NOBOX: variants seen among roughly 807,000 people sequenced by gnomAD.
NOBOX encodes homeobox protein NOBOX.
Under a neutral mutation model 60.2 loss-of-function variants are expected in NOBOX, and 46 were observed. That is an observed-to-expected ratio of 0.76 (90% confidence interval 0.60 to 0.98). The LOEUF (loss-of-function observed/expected upper bound fraction) is 0.98, where lower values mean the gene tolerates loss of function less well. Ranked by LOEUF, NOBOX falls within the 50% of genes least tolerant of loss-of-function variation. The pLI is 0.00. For missense variants in NOBOX, 880 were observed against 865.5 expected (o/e 1.02, Z -0.21); for synonymous variants, 360 against 346.3 (o/e 1.04, Z -0.44).
At chr7:144,400,420 T>C in intron 4 of NOBOX, 108 bp from the exon 3 acceptor site, 2 of 946,952 alleles carry the variant, frequency 2.1e-6, no homozygotes, top group Non-Finnish European at 3.2e-6. Flanking sequence ...CCACTGCCCC[T>C]AACCCAACAC....
At chr7:144,398,918 A>C (rs1271806233) in intron 8 of NOBOX, 32 bp downstream of exon 6, 42 of 1,257,632 alleles carry the variant, frequency 3.3e-5, no homozygotes, top group Non-Finnish European at 4.3e-5. Flanking sequence ...CACCCAGATA[A>C]CTAGAGTGAC....
chr7:144,400,601 A>T (rs1266523803), intron 4 of NOBOX, among the ~76,000 whole-genome samples: 3 of 152,126 alleles, frequency 2.0e-5, no homozygotes, highest in Non-Finnish European at 4.4e-5. Context: ...GCAGTGGCGC[A>T]ATCTCAGCTC....
intron 1 of NOBOX, chr7:144,404,720 G>C (rs746975645): frequency 6.2e-7 from 1 of 1,605,496 alleles, no homozygotes; most frequent in African/African-American, 1.3e-5. Flanking sequence ...CCATCCATTT[G>C]GTGTTTCGAT....
At chr7:144,404,046 C>CG (rs1178839014) in intron 2 of NOBOX, among the ~76,000 whole-genome samples, 1 of 152,040 alleles carries the variant, frequency 6.6e-6, no homozygotes, top group Non-Finnish European at 1.5e-5. Flanking sequence ...CGGTGGTCTT[C>CG]GGGGGGCTGG....
At position 144,401,001 on chromosome 7, in the gene NOBOX, A is replaced by G; in HGVS notation, c.844+45T>C. On this transcript the variant is annotated intron_variant, in intron 4 of 9. Transcript: ENST00000467773. This position sits in a 1 kb window ranked among gnomAD's most constrained non-coding sequence, Gnocchi z 4.2. ...TCTTCACACAGCCCCACCTTTCCCC[A>G]GGATGACCCCAGATCTCTTCGGTTT... 1 of 1,433,786 alleles carries G rather than the reference A, an allele frequency of 7.0e-7. No individual in the cohort carries two copies. The highest frequency in any genetic ancestry group is 9.2e-7 in the Non-Finnish European group (1 of 1,083,934). 88.8% of individuals were successfully genotyped at this position (1,433,786 alleles called of 1,614,324 possible). A position where few individuals can be genotyped will look rare whatever the true frequency, so the allele number is the denominator to read the frequency against.
intron 2 of NOBOX, among the ~76,000 whole-genome samples, chr7:144,402,477 G>A (rs1407092855): frequency 6.6e-6 from 1 of 152,074 alleles, no homozygotes; most frequent in Non-Finnish European, 1.5e-5. Flanking sequence ...AAGAAATGAG[G>A]ATGAGACAGC....
chr7:144,399,028 T>C lies in NOBOX; in HGVS notation c.1391A>G (p.Gln464Arg). The C allele has an allele frequency of 6.3e-7, 1 of 1,582,456 alleles. No homozygotes were observed. The highest frequency in any genetic ancestry group is 2.3e-5 in the East Asian group (1 of 43,216). The change falls in exon 8 of 10, where the codon CAA becomes CGA. Residue 464 changes from glutamine to arginine, a missense_variant. Physicochemically the swap from Gln to Arg is conservative, Grantham distance 43. Transcript: ENST00000467773. ...AACATCCATCAGCAGTGGCATCAGT[T>C]GGGGGGTGTGGACAGGGCCAAGGGG... is the stretch of plus-strand genomic sequence containing the variant.
chr7:144,400,982 C>A, intron 4 of NOBOX, 64 bp downstream of exon 2: 9 of 1,366,222 alleles, frequency 6.6e-6, no homozygotes, highest in Non-Finnish European at 8.7e-6. Flanking sequence ...AGATTCTTCA[C>A]ACAGCCCCAC....
Position 144,399,872 on chromosome 7 carries a change from G to A in NOBOX, c.1048-9C>T. 2 of 1,601,960 alleles carry A rather than the reference G, an allele frequency of 1.2e-6. No homozygotes were observed. Among genetic ancestry groups the A allele is most frequent in the Non-Finnish European group, 1.7e-6 (2 of 1,170,308 alleles). The stretch of plus-strand genomic sequence containing the variant: ...CGATTCTGGAACCACACCTATGGGG[G>A]GAAAGGTGCTTGAAGAACTGGAGAA... On this transcript the variant is annotated splice_polypyrimidine_tract_variant and intron_variant, in intron 5 of 9. Transcript: ENST00000467773.
Position 144,397,463 on chromosome 7 carries a change from G to A in NOBOX, c.1853C>T (p.Pro618Leu), listed in dbSNP as rs1331840715. ...AGGAAAGTAGCCATCCCCTCCTGGG[G>A]GATGCCCCAGAGCTTGTGGGCAGAA... Residue 618 changes from proline (P) to leucine (L), a missense_variant, in exon 10 of 10, where the codon CCC (proline) becomes CTC (leucine). Transcript: ENST00000467773. 6.5e-7 allele frequency: 1 copy of A among 1,537,108 alleles called. No individual in the cohort carries two copies.
chr7:144,399,703 C>G, intron 6 of NOBOX, 54 bp downstream of exon 4: 1 of 1,447,142 alleles, frequency 6.9e-7, no homozygotes, highest in Non-Finnish European at 9.5e-7. Context: ...AGGATCCCAG[C>G]TTGGACCCCA....
At chr7:144,405,712 C>A (rs1445011251) in intron 1 of NOBOX, among the ~76,000 whole-genome samples, 3 of 151,992 alleles carry the variant, frequency 2.0e-5, no homozygotes, top group Non-Finnish European at 2.9e-5. Context: ...TCTTTTTTGG[C>A]CTAATGTTTC....
Position 144,399,086 on chromosome 7 carries a change from G to T in NOBOX, c.1333C>A (p.Pro445Thr). 2.7e-6 allele frequency: 3 copies of T among 1,131,556 alleles called. No homozygotes were observed. Among genetic ancestry groups the T allele is most frequent in the Non-Finnish European group, 4.0e-6 (3 of 744,386 alleles). The allele number at this position is 1,131,556 out of a possible 1,614,324, so 70.1% of individuals were successfully genotyped here. ...AGATCGGCCCTTCGCACAGGTGGGG[G>T]GCTGAAGAGTGGGGGGGTCACCACC... Residue 445 changes from proline (P) to threonine (T), a missense_variant, in exon 8 of 10, where the codon CCC becomes ACC. Pro to Thr is a conservative substitution (Grantham distance 38, BLOSUM62 -1). Transcript: ENST00000467773.
chr7:144,403,602 C>A lies in NOBOX; in HGVS notation c.210+954G>T, dbSNP rs538170826. 680 of 682,368 alleles carry A rather than the reference C, an allele frequency of 1.0e-3. 2 individuals are homozygous for A. The highest frequency in any genetic ancestry group is 7.4e-3 in the African/African-American group (416 of 55,996). 42.3% of individuals were successfully genotyped at this position (682,368 alleles called of 1,614,324 possible). ...GACCTGGTGATCACAGGCCTCCCCCCCTCCCCGAACCCCCAAAGCCTGACC... is the reference window on the plus strand; with the variant it reads ...GACCTGGTGATCACAGGCCTCCCCCACTCCCCGAACCCCCAAAGCCTGACC... On this transcript the variant is annotated intron_variant, in intron 2 of 9. Transcript: ENST00000467773.
downstream of NOBOX, among the ~76,000 whole-genome samples, chr7:144,397,024 C>T (rs1408334575): frequency 1.3e-5 from 2 of 152,188 alleles, no homozygotes. Flanking sequence ...CCACCTGCTT[C>T]CTTCAGGACC....
In NOBOX at chr7:144,401,597, C is replaced by A. The variant is rs770154113; in HGVS notation, c.293G>T (p.Gly98Val). ...CAGGGGCTTCTCTCCAGCTTTCTGG[C>A]CTGTGGGGAGCCAACATCCACTGAC... Residue 98 changes from glycine to valine, a missense_variant and splice_region_variant, in exon 4 of 10, where the codon GGC (glycine) becomes GTC (valine). Transcript: ENST00000467773. The surrounding 1 kb of genome is among the most constrained non-coding windows in gnomAD (Gnocchi z 4.2). 1.5e-5 allele frequency: 23 copies of A among 1,503,128 alleles called. No individual in the cohort carries two copies. The highest frequency in any genetic ancestry group is 2.8e-5 in the African/African-American group (2 of 71,596). The allele number at this position is 1,503,128 out of a possible 1,614,324, so 93.1% of individuals were successfully genotyped here.
chr7:144,408,193 T>C (rs951285914), intron 1 of NOBOX, among the ~76,000 whole-genome samples: 1 of 151,730 alleles, frequency 6.6e-6, no homozygotes, highest in Non-Finnish European at 1.5e-5. Context: ...GAAATCGCCA[T>C]GCCTTCTCAG....
intron 1 of NOBOX, among the ~76,000 whole-genome samples, chr7:144,407,673 C>T (rs1161458517): frequency 2.0e-5 from 3 of 152,204 alleles, no homozygotes; most frequent in Non-Finnish European, 4.4e-5. Context: ...AGTATCTGCC[C>T]AGGGGCTTCC....
intron 1 of NOBOX, chr7:144,404,768 G>C (rs946809623): frequency 1.4e-6 from 2 of 1,466,532 alleles, no homozygotes; most frequent in African/African-American, 2.8e-5. Context: ...TCTTGGGGGA[G>C]ATCTCACAGG....
Sources: allele counts gnomAD v4.1 joint callset (sites outside exome capture counted in the v4.1 genomes callset), GRCh38; gene constraint gnomAD v4.1.1; non-coding constraint Gnocchi (gnomAD v3.1); transcripts MANE v1.5; gene names NCBI Gene and HGNC (gene_info 2026-07-23, HGNC 2026-07-21).